SLC13A1: variants seen among roughly 807,000 people sequenced by gnomAD.
SLC13A1 encodes Na(+)/sulfate cotransporter.
Under a neutral mutation model 70.0 loss-of-function variants are expected in SLC13A1, and 65 were observed. That is an observed-to-expected ratio of 0.93 (90% CI 0.76 to 1.14). SLC13A1 has a LOEUF of 1.14. Ranked by LOEUF, SLC13A1 falls within the 50% of genes most tolerant of loss-of-function variation. The pLI is 0.00. For synonymous variants in SLC13A1, 275 were observed against 250.5 expected, an observed-to-expected ratio of 1.10 and a Z score of -0.92; for missense variants, 726 against 717.8, an observed-to-expected ratio of 1.01 and a Z score of -0.13.
chr7:123,161,319 T>C (rs10226987), intron 6 of SLC13A1, among the ~76,000 whole-genome samples: 84,302 of 150,920 alleles, frequency 0.56, 23,699 homozygotes, highest in East Asian at 0.66. Context: ...ACAAGAAAAA[T>C]GTTAGAAATA....
intron 6 of SLC13A1, among the ~76,000 whole-genome samples, chr7:123,149,936 T>G (rs1257280345): frequency 6.6e-6 from 1 of 152,144 alleles, no homozygotes; most frequent in Non-Finnish European, 1.5e-5. Context: ...CTCTCTTTCT[T>G]GTCTTTTCTT....
At chr7:123,129,937 C>G (rs1007078062) in intron 8 of SLC13A1, among the ~76,000 whole-genome samples, 2 of 152,184 alleles carry the variant, frequency 1.3e-5, no homozygotes, top group Non-Finnish European at 1.5e-5. Context: ...AGGGCAAGGA[C>G]AGTGAGGTGG....
intron 3 of SLC13A1, 146 bp from the exon 4 acceptor site, chr7:123,169,481 A>G (rs1247613277): frequency 7.1e-6 from 5 of 701,166 alleles, no homozygotes; most frequent in Non-Finnish European, 1.2e-5. Context: ...TGCCCAGATG[A>G]TGAAATTGGA....
intron 2 of SLC13A1, 94 bp downstream of exon 2, chr7:123,180,879 A>T: frequency 7.3e-7 from 1 of 1,363,686 alleles, no homozygotes; most frequent in Non-Finnish European, 1.0e-6. Context: ...AACCTTACCA[A>T]CGAGATGATT....
chr7:123,176,747 A>G lies in SLC13A1; in HGVS notation c.228+4226T>C, dbSNP rs575345714. On this transcript the variant is annotated intron_variant, in intron 2 of 14. Coordinates refer to ENST00000194130, the MANE Select transcript of SLC13A1 (RefSeq NM_022444.4). ...ATAATCATTGCCTCATCTTCAAAACATTTGCTTCACTTGGATTCCAAGATC... is the reference window on the plus strand; with the variant it reads ...ATAATCATTGCCTCATCTTCAAAACGTTTGCTTCACTTGGATTCCAAGATC... 3.9e-5 allele frequency among the ~76,000 whole-genome samples: 6 copies of G among 152,180 alleles called. No homozygotes were observed. In the South Asian group the frequency reaches 6.2e-4, roughly 16 times the overall value.
chr7:123,129,101 A>T (rs1793663602), intron 9 of SLC13A1, among the ~76,000 whole-genome samples, 155 bp from the exon 10 acceptor site: 2 of 152,132 alleles, frequency 1.3e-5, no homozygotes, highest in African/African-American at 4.8e-5. Flanking sequence ...GCAGTTTGAA[A>T]AAGCCCTTTC....
intron 1 of SLC13A1, among the ~76,000 whole-genome samples, chr7:123,195,955 C>A (rs1471637055): frequency 2.6e-5 from 4 of 151,926 alleles, no homozygotes; most frequent in Non-Finnish European, 4.4e-5. Flanking sequence ...TTACTTCTAA[C>A]AAATCTGGCC....
intron 2 of SLC13A1, among the ~76,000 whole-genome samples, chr7:123,172,312 T>C (rs540351758): frequency 6.6e-6 from 1 of 152,296 alleles, no homozygotes; most frequent in East Asian, 1.9e-4. Context: ...TATTGAATGA[T>C]TTTACTTTCA....
chr7:123,184,122 C>T (rs898888790), intron 1 of SLC13A1, among the ~76,000 whole-genome samples: 6 of 151,960 alleles, frequency 3.9e-5, no homozygotes, highest in Admixed American at 1.3e-4. Flanking sequence ...CCTCTGAATG[C>T]TATTTTTTTA....
intron 6 of SLC13A1, among the ~76,000 whole-genome samples, chr7:123,154,881 T>C (rs1794663345): frequency 6.6e-6 from 1 of 152,114 alleles, no homozygotes; most frequent in Non-Finnish European, 1.5e-5. Context: ...TAGACTTAAG[T>C]CTTCCCTCTT....
chr7:123,123,001 G>T (rs1793435303), intron 12 of SLC13A1, 125 bp downstream of exon 12: 1 of 713,400 alleles, frequency 1.4e-6, no homozygotes, highest in South Asian at 1.7e-5. Context: ...TCACTGCATA[G>T]CTAGCAAAAT....
rs966895822 is a variant in SLC13A1 at position 123,151,155 on chromosome 7, C to T, written c.661-3845G>A. Among the ~76,000 whole-genome samples the T allele has an allele frequency of 5.3e-5, 8 of 151,798 alleles. 1 individual carries two copies. The highest frequency in any genetic ancestry group is 1.9e-4 in the African/African-American group (8 of 41,340). ...CCTGGCCAACATGGTGAAACCCTGTCTCTACTAAAAATACAAAAATTAACC... is the reference window on the plus strand; with the variant it reads ...CCTGGCCAACATGGTGAAACCCTGTTTCTACTAAAAATACAAAAATTAACC... On this transcript the variant is annotated intron_variant, in intron 6 of 14. Transcript: ENST00000194130.
intron 1 of SLC13A1, among the ~76,000 whole-genome samples, chr7:123,182,351 GTAAGAACC>G (rs1377918106): frequency 6.6e-6 from 1 of 152,072 alleles, no homozygotes; most frequent in Non-Finnish European, 1.5e-5. Context: ...CATCATACTT[GTAAGAACC>G]TAGGTTGCAG....
At chr7:123,134,303 C>G (rs1793874105) in intron 8 of SLC13A1, 107 bp downstream of exon 8, 1 of 1,018,914 alleles carries the variant, frequency 9.8e-7, no homozygotes, top group Non-Finnish European at 1.4e-6. Context: ...AACAAAAATG[C>G]AGAAAGGTAG....
At chr7:123,143,967 G>C (rs189091152) in intron 7 of SLC13A1, among the ~76,000 whole-genome samples, 1 of 152,224 alleles carries the variant, frequency 6.6e-6, no homozygotes. Flanking sequence ...GTAGGGTAGA[G>C]TGGAGTAGAT....
At chr7:123,196,065 A>C (rs2116692810) in intron 1 of SLC13A1, among the ~76,000 whole-genome samples, 1 of 152,224 alleles carries the variant, frequency 6.6e-6, no homozygotes, top group African/African-American at 2.4e-5. Flanking sequence ...TTAACAAAAT[A>C]GCCTAAAAAG....
chr7:123,125,491 G>A (rs995650737), intron 11 of SLC13A1, 78 bp downstream of exon 11: 2 of 1,016,122 alleles, frequency 2.0e-6, no homozygotes, highest in East Asian at 2.4e-5. Flanking sequence ...TCTGCTCTAG[G>A]TGCCAAGCGA....
Position 123,123,239 on chromosome 7 carries a change from C to T in SLC13A1, c.1241-4G>A, listed in dbSNP as rs1338915143. ...AGTGGAGAGTAATCAAAAGCAACTG[C>T]AAAACAAAAATCCTACAGTTACACA... is the stretch of plus-strand genomic sequence containing the variant. On this transcript the variant is annotated splice_polypyrimidine_tract_variant and splice_region_variant and intron_variant, in intron 11 of 14. Transcript: ENST00000194130. 4.4e-6 allele frequency: 7 copies of T among 1,583,652 alleles called. No individual in the cohort carries two copies. The highest frequency in any genetic ancestry group is 1.3e-5 in the African/African-American group (1 of 74,238).
chr7:123,162,013 G>A (rs556702586), intron 6 of SLC13A1, among the ~76,000 whole-genome samples: 5 of 149,768 alleles, frequency 3.3e-5, no homozygotes, highest in Admixed American at 2.0e-4. Flanking sequence ...TCAATTTGGA[G>A]ACAAACATAT....
Sources: gnomAD v4.1 joint callset for allele counts (sites outside exome capture counted in the v4.1 genomes callset) on GRCh38, gnomAD v4.1.1 for gene constraint, MANE v1.5 for transcripts, NCBI Gene and HGNC (gene_info 2026-07-23, HGNC 2026-07-21) for gene names.